PRSS37: variants seen among roughly 807,000 people sequenced by gnomAD.
PRSS37 encodes serine protease 37, also known as probable inactive serine protease 37.
In PRSS37, 25 loss-of-function variants were observed where a neutral mutation model predicts 28.0. The observed-to-expected ratio is 0.89, with a 90% CI of 0.65 to 1.25. PRSS37 has a LOEUF of 1.25. Among genes scored for constraint, PRSS37 ranks in the 50% most tolerant of loss-of-function variants. The pLI is 0.00. For missense variants in PRSS37, 282 were observed against 292.2 expected, an observed-to-expected ratio of 0.97 and a Z score of 0.25; for synonymous variants, 109 against 107.8, an observed-to-expected ratio of 1.01 and a Z score of -0.07.
intron 1 of PRSS37, among the ~76,000 whole-genome samples, chr7:141,839,971 T>G (rs1006706653): frequency 4.6e-5 from 7 of 152,070 alleles, no homozygotes; most frequent in African/African-American, 1.7e-4. Context: ...AAGTGGAACA[T>G]CATATATAAT....
rs1584799377 is a variant in PRSS37, at chr7:141,836,328, G to C, written c.*67C>G. 1 of 1,521,546 alleles carries C rather than the reference G, an allele frequency of 6.6e-7. No homozygotes were observed. Among genetic ancestry groups the C allele is most frequent in the Non-Finnish European group, 9.0e-7 (1 of 1,116,636 alleles). 94.3% of individuals were successfully genotyped at this position (1,521,546 alleles called of 1,614,324 possible). On this transcript the variant is annotated 3_prime_UTR_variant, in exon 5 of 5. Coordinates refer to ENST00000350549, the MANE Select transcript of PRSS37 (RefSeq NM_001008270.3). ...TCATTTGGAGATTTTATTTTGAATA[G>C]AGGGAAAATTATCTGCTTGTATAGT...
Position 141,836,458 on chromosome 7 carries a change from G to A in PRSS37, c.645C>T (p.Val215=), listed in dbSNP as rs113329222. The change falls in exon 5 of 5, where the codon GTC becomes GTT. Residue 215 remains valine (V), a synonymous_variant. Transcript: ENST00000350549. ...ATTTGTAAACATTGGTGTAGATGCC[G>A]ACGTCCCCTCCCATGAAGTGCCCCA... is the stretch of plus-strand genomic sequence containing the variant. ...IEVGHFMGGD[V]GIYTNVYKYV... 1,245 of 1,614,010 alleles carry A rather than the reference G, an allele frequency of 7.7e-4. 5 individuals are homozygous for A. The African/African-American group carries it at 0.015, about 19-fold the overall frequency.
At position 141,841,156 on chromosome 7, in the gene PRSS37, G is replaced by T; in HGVS notation, c.-107C>A. 6.3e-7 allele frequency: 1 copy of T among 1,579,004 alleles called. No homozygotes were observed. On this transcript the variant is annotated 5_prime_UTR_variant, in exon 1 of 5. Transcript: ENST00000350549. ...ACACCTGGTAGACTCAGTGGCTATG[G>T]TTAGATACGGAGGCACTCCATGGGA...
chr7:141,837,274 A>T, intron 3 of PRSS37, 26 bp from the exon 4 acceptor site: 1 of 1,577,202 alleles, frequency 6.3e-7, no homozygotes, highest in African/African-American at 1.4e-5. Context: ...ATAAAATAAA[A>T]CATCCTGTTG....
chr7:141,836,750 T>C (rs1800971425), intron 4 of PRSS37, among the ~76,000 whole-genome samples: 1 of 152,220 alleles, frequency 6.6e-6, no homozygotes, highest in Non-Finnish European at 1.5e-5. Flanking sequence ...GAGGACAGTC[T>C]CTCTAGAAAT....
In PRSS37 at chr7:141,836,344, C is replaced by T. The variant is rs557838849; in HGVS notation, c.*51G>A. 18 of 1,579,798 alleles carry T rather than the reference C, an allele frequency of 1.1e-5. No individual in the cohort carries two copies. Among genetic ancestry groups the T allele is most frequent in the Admixed American group, 1.7e-5 (1 of 57,578 alleles). On this transcript the variant is annotated 3_prime_UTR_variant, in exon 5 of 5. Transcript: ENST00000350549. The stretch of plus-strand genomic sequence containing the variant: ...TTTTGAATAGAGGGAAAATTATCTG[C>T]TTGTATAGTCCATGGCAGAGCCAGT...
intron 1 of PRSS37, among the ~76,000 whole-genome samples, chr7:141,839,931 T>C (rs1466573758): frequency 2.0e-5 from 3 of 152,156 alleles, no homozygotes; most frequent in African/African-American, 7.2e-5. Flanking sequence ...ATATCTGACA[T>C]AGTAATGTTG....
rs762937247 is a variant in PRSS37, at chr7:141,836,514, T to C, written c.589A>G (p.Ile197Val). 6.2e-7 allele frequency: 1 copy of C among 1,613,962 alleles called. No individual in the cohort carries two copies. Among genetic ancestry groups the C allele is most frequent in the Non-Finnish European group, 8.5e-7 (1 of 1,180,002 alleles). ...IFGEVAVATV[I>V]CKDKLQGIEV... ...ATTCCCTGGAGCTTGTCTTTGCAGATGACAGTAGCAACGGCCACCTCCTAC... is the reference window on the plus strand; with the variant it reads ...ATTCCCTGGAGCTTGTCTTTGCAGACGACAGTAGCAACGGCCACCTCCTAC... The change falls in exon 5 of 5, where the codon ATC (isoleucine) becomes GTC (valine). Residue 197 changes from isoleucine (I) to valine (V), a missense_variant. By Grantham distance (29) the Ile-to-Val change is conservative (BLOSUM62 3). Coordinates refer to ENST00000350549, the MANE Select transcript of PRSS37 (RefSeq NM_001008270.3).
Position 141,839,357 on chromosome 7 carries a change from G to T in PRSS37, c.157C>A (p.Pro53Thr). 1 of 1,613,840 alleles carries T rather than the reference G, an allele frequency of 6.2e-7. No homozygotes were observed. Among genetic ancestry groups the T allele is most frequent in the South Asian group, 1.1e-5 (1 of 91,050 alleles). Residue 53 changes from proline to threonine, a missense_variant, in exon 2 of 5, where the codon CCA becomes ACA. Pro to Thr is a conservative substitution (Grantham distance 38). Transcript: ENST00000350549. ...VLIKPSWVLA[P>T]AHCYLPNLKV... Reference sequence around the variant, plus strand: ...CTCAACGGTAAATAGCAGTGAGCTGGGGCCAGCACCCAGCTGGGTTTGATG... The same window carrying T: ...CTCAACGGTAAATAGCAGTGAGCTGTGGCCAGCACCCAGCTGGGTTTGATG...
intron 3 of PRSS37, 183 bp downstream of exon 3, chr7:141,837,677 C>T (rs548192874): frequency 1.8e-4 from 270 of 1,531,310 alleles, no homozygotes; most frequent in Non-Finnish European, 2.4e-4. Context: ...ATATTAGACA[C>T]CCTGGGAAAG....
Position 141,838,004 on chromosome 7 carries a change from G to T in PRSS37, c.286C>A (p.Pro96Thr). The T allele has an allele frequency of 6.2e-7, 1 of 1,614,138 alleles. No homozygotes were observed. Among genetic ancestry groups the T allele is most frequent in the Non-Finnish European group, 8.5e-7 (1 of 1,180,032 alleles). ...TTGATGAGCATGAGGTCATCCTGTGGGGCGCTATGACTGTAGTTCCAGTAG... is the reference window on the plus strand; with the variant it reads ...TTGATGAGCATGAGGTCATCCTGTGTGGCGCTATGACTGTAGTTCCAGTAG... The part of the protein sequence containing the change: ...VRYWNYSHSA[P>T]QDDLMLIKLA... Residue 96 changes from proline (P) to threonine (T), a missense_variant, in exon 3 of 5, where the codon CCA becomes ACA. Pro to Thr is a conservative substitution (Grantham distance 38). Coordinates refer to ENST00000350549, the MANE Select transcript of PRSS37 (RefSeq NM_001008270.3).
chr7:141,837,905 T>G lies in PRSS37; in HGVS notation c.385A>C (p.Thr129Pro). 1.9e-6 allele frequency: 3 copies of G among 1,614,058 alleles called. No individual in the cohort carries two copies. The highest frequency in any genetic ancestry group is 2.5e-6 in the Non-Finnish European group (3 of 1,179,976). The change falls in exon 3 of 5, where the codon ACT (threonine) becomes CCT (proline). Residue 129 changes from threonine to proline, a missense_variant. Thr to Pro is a conservative substitution (Grantham distance 38, BLOSUM62 -1). Transcript: ENST00000350549. ...TCCAAACCTGAGAGTAGACAGACAG[T>G]GCCTGGCCTGACATTGGTGGTGGCG... Reference protein sequence around the residue: ...TLATTNVRPGTVCLLSGLDWS... With the variant: ...TLATTNVRPGPVCLLSGLDWS...
intron 1 of PRSS37, among the ~76,000 whole-genome samples, chr7:141,840,410 A>C (rs1801115963): frequency 6.6e-6 from 1 of 152,174 alleles, no homozygotes; most frequent in Non-Finnish European, 1.5e-5. Flanking sequence ...ACACAGTTAG[A>C]AACCCCAAAG....
intron 2 of PRSS37, chr7:141,838,479 G>C: frequency 8.8e-7 from 1 of 1,140,006 alleles, no homozygotes; most frequent in East Asian, 6.1e-5. Context: ...ACCTAGTTCT[G>C]GGTGTCTCCT....
chr7:141,841,153 A>G lies in PRSS37; in HGVS notation c.-104T>C, dbSNP rs1801138663. 2.5e-6 allele frequency: 4 copies of G among 1,584,350 alleles called. No individual in the cohort carries two copies. Among genetic ancestry groups the G allele is most frequent in the East Asian group, 2.3e-5 (1 of 43,708 alleles). On this transcript the variant is annotated 5_prime_UTR_variant, in exon 1 of 5. Transcript: ENST00000350549. ...GGAACACCTGGTAGACTCAGTGGCT[A>G]TGGTTAGATACGGAGGCACTCCATG...
intron 3 of PRSS37, 136 bp from the exon 4 acceptor site, chr7:141,837,384 A>G: frequency 8.4e-7 from 1 of 1,185,684 alleles, no homozygotes; most frequent in Non-Finnish European, 1.2e-6. Context: ...AAGGAGAGAA[A>G]TCATCAAGAG....
chr7:141,840,861 G>A (rs907046352), intron 1 of PRSS37, among the ~76,000 whole-genome samples, 155 bp downstream of exon 1: 1 of 152,196 alleles, frequency 6.6e-6, no homozygotes, highest in Non-Finnish European at 1.5e-5. Context: ...CCTATCCGGA[G>A]AGCCTTTGGA....
intron 2 of PRSS37, chr7:141,838,670 C>A: frequency 4.0e-6 from 1 of 252,200 alleles, no homozygotes; most frequent in Non-Finnish European, 7.7e-6. Context: ...CTTATCCTCC[C>A]AGGTCCCTCC....
intron 1 of PRSS37, 103 bp downstream of exon 1, chr7:141,840,913 T>C (rs1801129893): frequency 8.6e-7 from 1 of 1,163,972 alleles, no homozygotes; most frequent in Non-Finnish European, 1.3e-6. Flanking sequence ...CTGATGACAC[T>C]ATTTTTGACT....
Sources: gnomAD v4.1 joint callset for allele counts (sites outside exome capture counted in the v4.1 genomes callset) on GRCh38, gnomAD v4.1.1 for gene constraint, MANE v1.5 for transcripts, NCBI Gene and HGNC (gene_info 2026-07-23, HGNC 2026-07-21) for gene names.